The following EIF4E3 variants were observed in gnomAD, a reference collection of about 807,000 sequenced individuals.
EIF4E3 encodes the protein eukaryotic translation initiation factor 4E type 3.
In EIF4E3, 26 loss-of-function variants were observed where a neutral mutation model predicts 31.7. The ratio of observed to expected loss-of-function variants is 0.82; its 90% CI spans 0.60 to 1.14. The LOEUF is 1.14. Among genes scored for constraint, EIF4E3 ranks in the 50% most tolerant of loss-of-function variants. The pLI is 0.00. For synonymous variants in EIF4E3, 128 were observed against 107.7 expected (o/e 1.19, Z -1.17); for missense variants, 304 against 270.9 (o/e 1.12, Z -0.86).
intron 1 of EIF4E3, among the ~76,000 whole-genome samples, chr3:71,752,895 A>G (rs963748840): frequency 1.3e-5 from 2 of 152,238 alleles, no homozygotes; most frequent in African/African-American, 2.4e-5. Flanking sequence ...TCTGAGAATC[A>G]TAACAGGGGC....
At chr3:71,729,798 ATG>A (rs3066626), upstream of EIF4E3, among the ~76,000 whole-genome samples, 10,115 of 129,594 alleles carry the variant, frequency 0.078, 413 homozygotes, top group Middle Eastern at 0.15. Context: ...TTCCAATAGA[ATG>A]TGTGTGTGTG....
intron 6 of EIF4E3, among the ~76,000 whole-genome samples, chr3:71,686,502 A>G (rs76063278): frequency 0.015 from 2,295 of 151,676 alleles, 34 homozygotes; most frequent in African/African-American, 0.036. Flanking sequence ...AATTTAATAG[A>G]ACATTTCTCA....
chr3:71,731,003 C>T (rs1050833030), intron 1 of EIF4E3, among the ~76,000 whole-genome samples: 1 of 152,164 alleles, frequency 6.6e-6, no homozygotes, highest in Non-Finnish European at 1.5e-5. Flanking sequence ...GAATTACAGA[C>T]GTGAGCCACA....
rs143974429 is a variant in EIF4E3 at position 71,675,724 on chromosome 3, T to C, written c.*8958A>G. On this transcript the variant is annotated 3_prime_UTR_variant, in exon 7 of 7. Coordinates refer to ENST00000425534, the MANE Select transcript of EIF4E3 (RefSeq NM_001134651.2). ...AAATGAAAAGTTTGAACTAGGCCAG[T>C]GATTTTTCCATCTTTTTCTTAAAGC... 14 of 152,364 alleles carry C rather than the reference T, an allele frequency of 9.2e-5. No individual in the cohort carries two copies. The East Asian group carries it at 2.5e-3, about 27-fold the overall frequency. The allele number at this position is 152,364 out of a possible 1,614,324, so 9.4% of individuals were successfully genotyped here. A position where few individuals can be genotyped will look rare whatever the true frequency, so the allele number is the denominator to read the frequency against.
Position 71,684,461 on chromosome 3 carries a change from T to C in EIF4E3, c.*221A>G, listed in dbSNP as rs2048963114. On this transcript the variant is annotated 3_prime_UTR_variant, in exon 7 of 7. Transcript: ENST00000425534. ...AAAGCCAAAAAAAAAGTTTTTTGTGTGTGTTTTTTTTAAAAAGCAAGTAAT... is the reference window on the plus strand; with the variant it reads ...AAAGCCAAAAAAAAAGTTTTTTGTGCGTGTTTTTTTTAAAAAGCAAGTAAT... The C allele has an allele frequency of 2.6e-6, 1 of 390,082 alleles. No individual in the cohort carries two copies. The allele number at this position is 390,082 out of a possible 1,614,324, so 24.2% of individuals were successfully genotyped here. A position where few individuals can be genotyped will look rare whatever the true frequency, so the allele number is the denominator to read the frequency against.
chr3:71,750,564 C>A (rs972017121), intron 1 of EIF4E3, among the ~76,000 whole-genome samples: 2 of 152,178 alleles, frequency 1.3e-5, no homozygotes, highest in Admixed American at 6.5e-5. Context: ...AACTCAAAAG[C>A]TTTCTTCACA....
At chr3:71,670,352 T>A in the EIF4E3 span, among the ~76,000 whole-genome samples, 1 of 152,150 alleles carries the variant, frequency 6.6e-6, no homozygotes, top group East Asian at 1.9e-4. Flanking sequence ...GCTCGCTGCA[T>A]TTCTTTTGCC....
chr3:71,696,433 T>C (rs760517928), intron 4 of EIF4E3, 27 bp downstream of exon 4: 22 of 1,613,642 alleles, frequency 1.4e-5, no homozygotes, highest in Non-Finnish European at 1.8e-5. Context: ...CCTCGCCGGT[T>C]CTAGAAGAGG....
chr3:71,746,278 A>G (rs537701511), intron 1 of EIF4E3, among the ~76,000 whole-genome samples: 1 of 152,328 alleles, frequency 6.6e-6, no homozygotes, highest in East Asian at 1.9e-4. Context: ...TGTAGGAGTA[A>G]ATTATTAATC....
intron 2 of EIF4E3, among the ~76,000 whole-genome samples, chr3:71,709,322 G>A (rs926451839): frequency 1.3e-5 from 2 of 152,200 alleles, no homozygotes; most frequent in African/African-American, 4.8e-5. Flanking sequence ...CTAGAAGACA[G>A]GAGAAACTGG....
chr3:71,725,101 G>C lies in EIF4E3; in HGVS notation c.176+91C>G, dbSNP rs2108122934. 2 of 928,236 alleles carry C rather than the reference G, an allele frequency of 2.2e-6. No individual in the cohort carries two copies. Among genetic ancestry groups the C allele is most frequent in the African/African-American group, 1.8e-5 (1 of 55,974 alleles). The allele number at this position is 928,236 out of a possible 1,614,324, so 57.5% of individuals were successfully genotyped here. ...CCGAGGTCTGTGCCACAGCGGAGCG[G>C]GGCCGGGGCGAGGGGCCGCGCCGAG... is the stretch of plus-strand genomic sequence containing the variant. On this transcript the variant is annotated intron_variant, in intron 1 of 6. Coordinates refer to ENST00000425534, the MANE Select transcript of EIF4E3 (RefSeq NM_001134651.2). The surrounding 1 kb of genome is among the most constrained non-coding windows in gnomAD (Gnocchi z 6.1).
rs1422507755 is a variant in EIF4E3 at position 71,682,978 on chromosome 3, T to C, written c.*1704A>G. ...TTTTAAAATTCTTGAGTCATAATTT[T>C]AAAACAAGTTGAATGTTAGTACAAT... On this transcript the variant is annotated 3_prime_UTR_variant, in exon 7 of 7. Transcript: ENST00000425534. The C allele has an allele frequency of 6.6e-6, 1 of 152,232 alleles. No homozygotes were observed. The highest frequency in any genetic ancestry group is 1.5e-5 in the Non-Finnish European group (1 of 68,038). The allele number at this position is 152,232 out of a possible 1,614,324, so 9.4% of individuals were successfully genotyped here.
the EIF4E3 span, among the ~76,000 whole-genome samples, chr3:71,659,483 G>A: frequency 7.4e-3 from 1,121 of 152,268 alleles, 9 homozygotes; most frequent in African/African-American, 0.026. Context: ...GGCACAGATC[G>A]TCTTCTTGAC....
At chr3:71,749,038 G>C (rs567379330) in intron 1 of EIF4E3, among the ~76,000 whole-genome samples, 10 of 152,244 alleles carry the variant, frequency 6.6e-5, no homozygotes, top group Non-Finnish European at 1.3e-4. Flanking sequence ...GGTTAGCCAA[G>C]ACATTTATAT....
At chr3:71,740,356 T>G (rs1202890358) in intron 1 of EIF4E3, among the ~76,000 whole-genome samples, 1 of 152,222 alleles carries the variant, frequency 6.6e-6, no homozygotes, top group Admixed American at 6.5e-5. Context: ...AAATGCACTT[T>G]AAATATAAAG....
intron 5 of EIF4E3, among the ~76,000 whole-genome samples, chr3:71,691,675 C>T (rs6800516): frequency 0.1 from 15,568 of 152,122 alleles, 1,146 homozygotes; most frequent in African/African-American, 0.2. Context: ...TGTACACATA[C>T]GACGTGTGCA....
At chr3:71,666,277 C>T in the EIF4E3 span, among the ~76,000 whole-genome samples, 2 of 152,058 alleles carry the variant, frequency 1.3e-5, no homozygotes, top group African/African-American at 4.8e-5. Flanking sequence ...CCACTGATCC[C>T]ACAGAAATAC....
chr3:71,730,874 C>T (rs2049699156), intron 1 of EIF4E3, among the ~76,000 whole-genome samples: 1 of 152,122 alleles, frequency 6.6e-6, no homozygotes, highest in Non-Finnish European at 1.5e-5. Flanking sequence ...CAAGCACATG[C>T]CACCATGCCC....
intron 5 of EIF4E3, among the ~76,000 whole-genome samples, chr3:71,691,316 A>ATT (rs2049060563): frequency 6.6e-6 from 1 of 152,254 alleles, no homozygotes; most frequent in African/African-American, 2.4e-5. Flanking sequence ...GTATTAGGAT[A>ATT]TAATTTAAAT....
Sources: allele counts gnomAD v4.1 joint callset (sites outside exome capture counted in the v4.1 genomes callset), GRCh38; gene constraint gnomAD v4.1.1; non-coding constraint Gnocchi (gnomAD v3.1); transcripts MANE v1.5; gene names NCBI Gene and HGNC (gene_info 2026-07-23, HGNC 2026-07-21).